A1CF: variants seen among roughly 807,000 people sequenced by gnomAD.
The protein encoded by A1CF is APOBEC-1 stimulating protein.
A neutral mutation model predicts 68.9 loss-of-function variants in A1CF; 48 were observed. The ratio of observed to expected loss-of-function variants is 0.70; its 90% CI spans 0.55 to 0.89. The LOEUF is 0.89. Ranked by LOEUF, A1CF falls within the 40% of genes least tolerant of loss-of-function variation. A1CF has a pLI of 0.00. For synonymous variants in A1CF, 272 were observed against 260.4 expected, an observed-to-expected ratio of 1.04 and a Z score of -0.43; for missense variants, 653 against 718.9, an observed-to-expected ratio of 0.91 and a Z score of 1.05.
At chr10:50,823,321 A>T (rs2132368940) in intron 7 of A1CF, among the ~76,000 whole-genome samples, 1 of 152,214 alleles carries the variant, frequency 6.6e-6, no homozygotes, top group East Asian at 1.9e-4. Flanking sequence ...TTAATAATTG[A>T]TCCTCATTTG....
chr10:50,825,459 A>G (rs1158240785), intron 7 of A1CF, among the ~76,000 whole-genome samples: 1 of 152,208 alleles, frequency 6.6e-6, no homozygotes, highest in Non-Finnish European at 1.5e-5. Context: ...GTTAGAAGGC[A>G]AAAGACTTTG....
chr10:50,811,221 A>G, intron 10 of A1CF, 45 bp from the exon 11 acceptor site: 3 of 1,563,136 alleles, frequency 1.9e-6, no homozygotes, highest in Non-Finnish European at 2.6e-6. Context: ...TGACACATTC[A>G]CATTATTTCC....
chr10:50,884,163 G>C (rs536256653), intron 1 of A1CF, among the ~76,000 whole-genome samples: 3 of 152,136 alleles, frequency 2.0e-5, no homozygotes, highest in Non-Finnish European at 2.9e-5. Context: ...ATATAGTGTA[G>C]GAAATGTTGA....
chr10:50,847,638 A>AAATTG (rs1840059340), intron 3 of A1CF, among the ~76,000 whole-genome samples: 1 of 152,128 alleles, frequency 6.6e-6, no homozygotes, highest in Non-Finnish European at 1.5e-5. Flanking sequence ...ATCTGGGCAA[A>AAATTG]AATTGCCTTC....
chr10:50,883,203 G>T (rs752442923), intron 1 of A1CF, among the ~76,000 whole-genome samples: 2 of 152,134 alleles, frequency 1.3e-5, no homozygotes, highest in Non-Finnish European at 2.9e-5. Context: ...TTTTCTGGAG[G>T]TTGTTACAAA....
intron 2 of A1CF, among the ~76,000 whole-genome samples, chr10:50,863,798 C>T (rs1840851978): frequency 6.6e-6 from 1 of 151,966 alleles, no homozygotes; most frequent in South Asian, 2.1e-4. Context: ...AGAAGTTCTA[C>T]TATTTGATAG....
chr10:50,800,216 A>G lies in A1CF; in HGVS notation c.*6513T>C, dbSNP rs1339043263. 1 of 152,144 alleles carries G rather than the reference A, an allele frequency of 6.6e-6. No individual in the cohort carries two copies. Among genetic ancestry groups the G allele is most frequent in the African/African-American group, 2.4e-5 (1 of 41,456 alleles). 9.4% of individuals were successfully genotyped at this position (152,144 alleles called of 1,614,324 possible). On this transcript the variant is annotated 3_prime_UTR_variant, in exon 13 of 13. Transcript: ENST00000373997. ...ATTAACATCATAAATCAGTAGGTGA[A>G]TTTATCAATTCCATGTTTTAATTCT...
intron 1 of A1CF, among the ~76,000 whole-genome samples, chr10:50,864,423 T>G (rs894657687): frequency 2.6e-5 from 4 of 152,184 alleles, no homozygotes; most frequent in African/African-American, 9.7e-5. Context: ...TTCTCCTTTA[T>G]ATCCCTTCTA....
chr10:50,863,227 C>T (rs894958603), intron 2 of A1CF, among the ~76,000 whole-genome samples: 1 of 152,128 alleles, frequency 6.6e-6, no homozygotes, highest in African/African-American at 2.4e-5. Flanking sequence ...TTTGCAAAAA[C>T]AACCCCCTCT....
chr10:50,843,558 C>G (rs1303389232), intron 4 of A1CF, among the ~76,000 whole-genome samples: 1 of 152,182 alleles, frequency 6.6e-6, no homozygotes, highest in Non-Finnish European at 1.5e-5. Context: ...AGATTTCATT[C>G]TGGATTATAG....
chr10:50,834,545 G>C (rs772342318), intron 6 of A1CF, among the ~76,000 whole-genome samples: 1 of 152,196 alleles, frequency 6.6e-6, no homozygotes, highest in Admixed American at 6.5e-5. Flanking sequence ...GGTCATAAAA[G>C]ACCAGGAAAT....
Position 50,863,396 on chromosome 10 carries a change from T to C in A1CF, c.-46+637A>G, listed in dbSNP as rs528507581. Among the ~76,000 whole-genome samples, 167 of 152,320 alleles carry C rather than the reference T, an allele frequency of 1.1e-3. 1 individual carries two copies. The highest frequency in any genetic ancestry group is 3.9e-3 in the African/African-American group (161 of 41,584). On this transcript the variant is annotated intron_variant, in intron 2 of 12. Transcript: ENST00000373997. ...TTGTAAGTTCTTCAGATCAGAATTA[T>C]GAAAGAATAGTTCTTAAAGTATCTT...
rs1342429541 is a variant in A1CF at position 50,802,010 on chromosome 10, C to CA, written c.*4718dup. On this transcript the variant is annotated 3_prime_UTR_variant, in exon 13 of 13. Transcript: ENST00000373997. ...TTTCTGTATAAACATTGTTGGACAA[C>CA]ATGGCTTTAAAAATGTTGGACATTT... The CA allele has an allele frequency of 1.3e-5, 2 of 152,128 alleles. No homozygotes were observed. The highest frequency in any genetic ancestry group is 1.3e-4 in the Admixed American group (2 of 15,280). 9.4% of individuals were successfully genotyped at this position (152,128 alleles called of 1,614,324 possible). A position where few individuals can be genotyped will look rare whatever the true frequency, so the allele number is the denominator to read the frequency against.
chr10:50,824,111 C>T (rs1213297965), intron 7 of A1CF: 1 of 151,954 alleles, frequency 6.6e-6, no homozygotes, highest in African/African-American at 2.4e-5. Flanking sequence ...ATTATATAGC[C>T]CTGAGAGTTG....
chr10:50,842,379 G>A (rs1361229214), intron 4 of A1CF, among the ~76,000 whole-genome samples: 1 of 152,200 alleles, frequency 6.6e-6, no homozygotes, highest in Non-Finnish European at 1.5e-5. Flanking sequence ...GGGAGGCCAA[G>A]GCAGGTGGAT....
At chr10:50,815,872 T>C (rs954142891) in intron 9 of A1CF, 134 bp downstream of exon 9, 71 of 1,017,820 alleles carry the variant, frequency 7.0e-5, no homozygotes, top group Non-Finnish European at 9.7e-5. Context: ...ACTATTGATA[T>C]AATAGTTGAT....
chr10:50,823,185 CTT>C (rs1418799061), intron 7 of A1CF, among the ~76,000 whole-genome samples: 4 of 152,106 alleles, frequency 2.6e-5, no homozygotes, highest in Admixed American at 6.6e-5. Flanking sequence ...TATTTAAAAA[CTT>C]AGCCTCATAA....
At position 50,848,431 on chromosome 10, in the gene A1CF, C is replaced by A. The variant is rs537740280; in HGVS notation, c.100-4309G>T. Among the ~76,000 whole-genome samples, 4 of 152,238 alleles carry A rather than the reference C, an allele frequency of 2.6e-5. No homozygotes were observed. The South Asian group carries it at 8.3e-4, about 32-fold the overall frequency. ...TGATGATTATTCTTCTCAGGCTTAT[C>A]AGCCTCATAAATCCTCATGTTGTGT... On this transcript the variant is annotated intron_variant, in intron 3 of 12. Transcript: ENST00000373997.
chr10:50,865,086 T>C lies in A1CF; in HGVS notation c.-93-1006A>G, dbSNP rs554803463. Among the ~76,000 whole-genome samples, 20 of 152,196 alleles carry C rather than the reference T, an allele frequency of 1.3e-4. 1 individual carries two copies. In the South Asian group the frequency reaches 4.2e-3, roughly 32 times the overall value. ...GAGTTCCAGACCAGCCTGGGTAACA[T>C]GGCAAAAGCTCATTTCAACAAAAAA... On this transcript the variant is annotated intron_variant, in intron 1 of 12. Transcript: ENST00000373997.
Sources: allele counts gnomAD v4.1 joint callset (sites outside exome capture counted in the v4.1 genomes callset), GRCh38; gene constraint gnomAD v4.1.1; transcripts MANE v1.5; gene names NCBI Gene and HGNC (gene_info 2026-07-23, HGNC 2026-07-21).